Variants in LYPLAL1 observed in about 807,000 individuals in gnomAD.
LYPLAL1 encodes the protein lysophospholipase-like protein 1.
A neutral mutation model predicts 19.7 loss-of-function variants in LYPLAL1; 23 were observed. That is an observed-to-expected ratio of 1.17 (90% CI 0.84 to 1.65). The LOEUF (loss-of-function observed/expected upper bound fraction) is 1.65, where lower values mean the gene tolerates loss of function less well. Ranked by LOEUF, LYPLAL1 falls within the 40% of genes most tolerant of loss-of-function variation. The pLI, the probability that LYPLAL1 is intolerant of heterozygous loss-of-function variation, is 0.00. For missense variants in LYPLAL1, 355 were observed against 279.4 expected (o/e 1.27, Z -1.93); for synonymous variants, 119 against 96.3 (o/e 1.24, Z -1.38).
At chr1:219,399,706 A>G in the LYPLAL1 span, among the ~76,000 whole-genome samples, 2 of 152,180 alleles carry the variant, frequency 1.3e-5, no homozygotes, top group African/African-American at 2.4e-5. Flanking sequence ...GCTGCTCTGC[A>G]CACAAACACA....
the LYPLAL1 span, among the ~76,000 whole-genome samples, chr1:219,338,216 C>T: frequency 6.6e-6 from 1 of 151,896 alleles, no homozygotes; most frequent in Non-Finnish European, 1.5e-5. Context: ...TAATGTCAAC[C>T]AGGGATAGAT....
the LYPLAL1 span, among the ~76,000 whole-genome samples, chr1:219,370,216 C>T: frequency 3.3e-5 from 5 of 152,160 alleles, no homozygotes; most frequent in African/African-American, 9.7e-5. Flanking sequence ...ACTGATTCTC[C>T]GATCTGAGAA....
At chr1:219,353,811 G>C in the LYPLAL1 span, among the ~76,000 whole-genome samples, 1 of 151,920 alleles carries the variant, frequency 6.6e-6, no homozygotes, top group Non-Finnish European at 1.5e-5. Context: ...TTACCCAATA[G>C]AAATACATCA....
chr1:219,174,656 A>T (rs1416276018), intron 1 of LYPLAL1, among the ~76,000 whole-genome samples: 4 of 152,148 alleles, frequency 2.6e-5, no homozygotes, highest in South Asian at 4.1e-4. Context: ...TCGTTACTTA[A>T]CACTCATCTG....
At chr1:219,275,546 T>C in the LYPLAL1 span, among the ~76,000 whole-genome samples, 6 of 152,162 alleles carry the variant, frequency 3.9e-5, no homozygotes, top group East Asian at 1.2e-3. Flanking sequence ...AATGAACATA[T>C]TTAACAGCAA....
chr1:219,277,493 C>T, the LYPLAL1 span, among the ~76,000 whole-genome samples: 4 of 152,102 alleles, frequency 2.6e-5, no homozygotes, highest in East Asian at 5.8e-4. Flanking sequence ...TTGTTCCATA[C>T]AGATGACACA....
intron 2 of LYPLAL1, among the ~76,000 whole-genome samples, chr1:219,191,535 A>T (rs1657182327): frequency 6.6e-6 from 1 of 151,624 alleles, no homozygotes; most frequent in African/African-American, 2.4e-5. Context: ...TTTGAAAAGA[A>T]ATAGTGTGCC....
the LYPLAL1 span, among the ~76,000 whole-genome samples, chr1:219,389,368 C>T: frequency 5.9e-5 from 9 of 152,248 alleles, no homozygotes; most frequent in African/African-American, 2.2e-4. Context: ...GGAAAAGCAT[C>T]TTAAACAAGG....
chr1:219,295,124 C>T, the LYPLAL1 span, among the ~76,000 whole-genome samples: 1 of 152,198 alleles, frequency 6.6e-6, no homozygotes, highest in Non-Finnish European at 1.5e-5. Context: ...AGTGAGTTCA[C>T]CCTGGCTCTC....
intron 2 of LYPLAL1, among the ~76,000 whole-genome samples, chr1:219,192,678 A>G (rs1357110739): frequency 6.6e-6 from 1 of 151,574 alleles, no homozygotes; most frequent in African/African-American, 2.4e-5. Context: ...ATACTTGAAT[A>G]CAGGACCCCC....
chr1:219,232,653 T>C, the LYPLAL1 span, among the ~76,000 whole-genome samples: 12 of 152,248 alleles, frequency 7.9e-5, no homozygotes, highest in South Asian at 2.5e-3. Context: ...GATTACAATC[T>C]GGAATACATA....
At chr1:219,261,688 A>G in the LYPLAL1 span, among the ~76,000 whole-genome samples, 1 of 152,200 alleles carries the variant, frequency 6.6e-6, no homozygotes, top group East Asian at 1.9e-4. Context: ...GACTGAAGAT[A>G]GATCCTCAAT....
At chr1:219,239,295 G>T in the LYPLAL1 span, among the ~76,000 whole-genome samples, 2 of 152,342 alleles carry the variant, frequency 1.3e-5, no homozygotes, top group Middle Eastern at 3.4e-3. Flanking sequence ...CTACTGTGCT[G>T]CCTTGGCAAC....
chr1:219,338,279 C>G, the LYPLAL1 span, among the ~76,000 whole-genome samples: 1 of 151,850 alleles, frequency 6.6e-6, no homozygotes, highest in African/African-American at 2.4e-5. Flanking sequence ...TGTATAACTC[C>G]TTATAAAACT....
the LYPLAL1 span, among the ~76,000 whole-genome samples, chr1:219,336,519 A>G: frequency 1.3e-5 from 2 of 151,914 alleles, no homozygotes; most frequent in Non-Finnish European, 2.9e-5. Flanking sequence ...ACCAATACCA[A>G]CACTGTTGCC....
chr1:219,235,734 C>T, the LYPLAL1 span, among the ~76,000 whole-genome samples: 1 of 152,068 alleles, frequency 6.6e-6, no homozygotes, highest in African/African-American at 2.4e-5. Context: ...TTTTTCGATG[C>T]CAATATGGAG....
chr1:219,209,902 A>G (rs1256545981), intron 3 of LYPLAL1, among the ~76,000 whole-genome samples: 1 of 152,180 alleles, frequency 6.6e-6, no homozygotes, highest in Non-Finnish European at 1.5e-5. Context: ...TTAAAGAGAC[A>G]ATAACAGTTT....
the LYPLAL1 span, among the ~76,000 whole-genome samples, chr1:219,341,625 A>G: frequency 5.3e-5 from 8 of 152,058 alleles, no homozygotes; most frequent in African/African-American, 1.7e-4. Context: ...TGGCCTTTTT[A>G]TTATTAAAAA....
the LYPLAL1 span, among the ~76,000 whole-genome samples, chr1:219,442,412 A>G: frequency 6.6e-6 from 1 of 152,338 alleles, no homozygotes; most frequent in African/African-American, 2.4e-5. Flanking sequence ...TCATTTGGAA[A>G]CACACATCTG....
Sources: allele counts gnomAD v4.1 joint callset (sites outside exome capture counted in the v4.1 genomes callset), GRCh38; gene constraint gnomAD v4.1.1; transcripts MANE v1.5; gene names NCBI Gene and HGNC (gene_info 2026-07-23, HGNC 2026-07-21).